GABRG2: variants seen among roughly 807,000 people sequenced by gnomAD.
GABRG2 encodes gamma-aminobutyric acid receptor subunit gamma-2.
A neutral mutation model predicts 56.4 loss-of-function variants in GABRG2; 16 were observed. The observed-to-expected ratio is 0.28, with a 90% CI of 0.19 to 0.43. The LOEUF (loss-of-function observed/expected upper bound fraction) is 0.43, where lower values mean the gene tolerates loss of function less well. GABRG2 is among the 20% of genes least tolerant of loss of function. The pLI, the probability that GABRG2 is intolerant of heterozygous loss-of-function variation, is 1.00. For missense variants in GABRG2, 327 were observed against 582.7 expected (o/e 0.56, Z 4.52); for synonymous variants, 208 against 205.5 (o/e 1.01, Z -0.10).
chr5:162,153,065 TC>T, intron 9 of GABRG2, 27 bp from the exon 10 acceptor site: 1 of 1,613,742 alleles, frequency 6.2e-7, no homozygotes, highest in East Asian at 2.2e-5. Flanking sequence ...AACTAACTGA[TC>T]CCTCTCCTTC....
intron 6 of GABRG2, among the ~76,000 whole-genome samples, chr5:162,129,482 GAA>G (rs890340392): frequency 6.8e-6 from 1 of 147,100 alleles, no homozygotes; most frequent in African/African-American, 2.5e-5. Flanking sequence ...TTTAAAAAGT[GAA>G]AAAAAAAATG....
intron 6 of GABRG2, among the ~76,000 whole-genome samples, chr5:162,123,570 TGTAA>T (rs1399950507): frequency 6.6e-6 from 1 of 151,892 alleles, no homozygotes; most frequent in African/African-American, 2.4e-5. Flanking sequence ...AACATACTTG[TGTAA>T]GTGTGTGTCT....
intron 4 of GABRG2, chr5:162,099,235 T>G (rs2113340035): frequency 6.6e-6 from 1 of 152,150 alleles, no homozygotes; most frequent in East Asian, 1.9e-4. Context: ...TTTGTAAACT[T>G]AGAGATATAG....
At position 162,123,354 on chromosome 5, in the gene GABRG2, G is replaced by A. The variant is rs980894165; in HGVS notation, c.770-18810G>A. Among the ~76,000 whole-genome samples, 59 of 150,622 alleles carry A rather than the reference G, an allele frequency of 3.9e-4. 1 individual carries two copies. Among genetic ancestry groups the A allele is most frequent in the Admixed American group, 5.3e-4 (8 of 15,074 alleles). ...TTTATTGGACTCTAATAATGTTCTA[G>A]GCATATGAAACCTTTATTTATCTAA... On this transcript the variant is annotated intron_variant, in intron 6 of 9. Coordinates refer to ENST00000639213, the MANE Select transcript of GABRG2 (RefSeq NM_198904.4).
intron 1 of GABRG2, 115 bp from the exon 2 acceptor site, chr5:162,093,713 C>T: frequency 2.0e-6 from 2 of 979,560 alleles, no homozygotes; most frequent in Admixed American, 1.9e-5. Context: ...GGAGAATTTT[C>T]AGTTTAAACA....
chr5:162,103,634 G>T (rs886841481), intron 5 of GABRG2: 1 of 502,640 alleles, frequency 2.0e-6, no homozygotes, highest in African/African-American at 1.9e-5. Flanking sequence ...AAAATCACAT[G>T]TAGTATACCT....
intron 6 of GABRG2, among the ~76,000 whole-genome samples, chr5:162,127,802 C>T (rs1439226917): frequency 6.6e-6 from 1 of 151,976 alleles, no homozygotes; most frequent in Non-Finnish European, 1.5e-5. Context: ...AAGATTTGAG[C>T]ATAGACGTGA....
At chr5:162,137,927 A>ATT (rs554268081) in intron 6 of GABRG2, among the ~76,000 whole-genome samples, 1 of 141,612 alleles carries the variant, frequency 7.1e-6, no homozygotes. Context: ...AATTTTTGGT[A>ATT]TTTTTTTTTT....
chr5:162,117,660 G>A (rs549360657), intron 6 of GABRG2, among the ~76,000 whole-genome samples: 2 of 152,150 alleles, frequency 1.3e-5, no homozygotes, highest in South Asian at 2.1e-4. Flanking sequence ...TTAAAATATT[G>A]CCATATGGCT....
intron 1 of GABRG2, 28 bp from the exon 2 acceptor site, chr5:162,093,800 G>GT (rs775895121): frequency 5.6e-6 from 9 of 1,608,210 alleles, no homozygotes; most frequent in Non-Finnish European, 7.7e-6. Context: ...TAATCTATGT[G>GT]TTTTTTGACC....
At chr5:162,125,712 A>C (rs532709624) in intron 6 of GABRG2, among the ~76,000 whole-genome samples, 16 of 151,948 alleles carry the variant, frequency 1.1e-4, no homozygotes, top group African/African-American at 3.9e-4. Flanking sequence ...AACGTAATAA[A>C]AGACAGGAGA....
rs180852430 is a variant in GABRG2, at chr5:162,079,822, G to A, written c.107+11716G>A. On this transcript the variant is annotated intron_variant, in intron 1 of 9. Coordinates refer to ENST00000639213, the MANE Select transcript of GABRG2 (RefSeq NM_198904.4). ...TATTGAGACAGGGTCTCACTCTGTC[G>A]CCCAGGCTGGAGTGCAGTGGTGCGA... Among the ~76,000 whole-genome samples, 924 of 151,678 alleles carry A rather than the reference G, an allele frequency of 6.1e-3. 9 individuals carry two copies. Among genetic ancestry groups the A allele is most frequent in the African/African-American group, 0.02 (841 of 41,320 alleles).
At chr5:162,078,783 T>C (rs1034937147) in intron 1 of GABRG2, among the ~76,000 whole-genome samples, 1 of 151,994 alleles carries the variant, frequency 6.6e-6, no homozygotes, top group African/African-American at 2.4e-5. Flanking sequence ...ATTTGAGATA[T>C]AATTTTGTTA....
chr5:162,093,796 ATG>A lies in GABRG2; in HGVS notation c.108-28_108-27del, dbSNP rs1760792404. 6 of 1,601,686 alleles carry A rather than the reference ATG, an allele frequency of 3.7e-6. No homozygotes were observed. In the East Asian group the frequency reaches 1.3e-4, roughly 36 times the overall value. ...ATAAAAGTCAACTTGTGTGTAATCT[ATG>A]TGTTTTTTGACCAATATGTTTTTTC... On this transcript the variant is annotated intron_variant, in intron 1 of 9. Transcript: ENST00000639213.
intron 9 of GABRG2, chr5:162,152,891 C>T: frequency 1.6e-6 from 1 of 638,470 alleles, no homozygotes; most frequent in South Asian, 1.8e-5. Flanking sequence ...TTTTCAGCTG[C>T]ACTGCTTAAG....
chr5:162,140,185 T>C (rs991765825), intron 6 of GABRG2, among the ~76,000 whole-genome samples: 4 of 152,250 alleles, frequency 2.6e-5, no homozygotes, highest in African/African-American at 9.6e-5. Flanking sequence ...GCACAGTTGC[T>C]AGATAATTGC....
At chr5:162,078,710 G>A (rs947052303) in intron 1 of GABRG2, among the ~76,000 whole-genome samples, 5 of 151,234 alleles carry the variant, frequency 3.3e-5, no homozygotes, top group Admixed American at 6.6e-5. Flanking sequence ...CGGCCACCCC[G>A]ACCTATTATT....
chr5:162,089,884 C>A (rs999528244), intron 1 of GABRG2, among the ~76,000 whole-genome samples: 2 of 152,040 alleles, frequency 1.3e-5, no homozygotes, highest in African/African-American at 4.8e-5. Flanking sequence ...ATCTGAAATA[C>A]CTAGGTGGAA....
Position 162,119,526 on chromosome 5 carries a change from T to C in GABRG2, c.769+15500T>C, listed in dbSNP as rs532649476. 8.7e-4 allele frequency among the ~76,000 whole-genome samples: 133 copies of C among 152,302 alleles called. 1 individual carries two copies. Among genetic ancestry groups the C allele is most frequent in the African/African-American group, 3.1e-3 (129 of 41,578 alleles). The stretch of plus-strand genomic sequence containing the variant: ...TACCCTCCTTTTAGAGATAAGTTTC[T>C]TGATTATTTATTCTGGGCCTCCCAT... On this transcript the variant is annotated intron_variant, in intron 6 of 9. Transcript: ENST00000639213.
Sources: allele counts gnomAD v4.1 joint callset (sites outside exome capture counted in the v4.1 genomes callset), GRCh38; gene constraint gnomAD v4.1.1; transcripts MANE v1.5; gene names NCBI Gene and HGNC (gene_info 2026-07-23, HGNC 2026-07-21).